FARP1: variants seen among roughly 807,000 people sequenced by gnomAD.
FARP1 encodes FERM, ARHGEF and pleckstrin domain-containing protein 1.
In FARP1, 52 loss-of-function variants were observed where a neutral mutation model predicts 128.8. That is an observed-to-expected ratio of 0.40 (90% CI 0.32 to 0.51). The LOEUF (loss-of-function observed/expected upper bound fraction) is 0.51. FARP1 is among the 20% of genes least tolerant of loss of function. FARP1 has a pLI of 0.45. For synonymous variants in FARP1, 580 were observed against 551.8 expected (o/e 1.05, Z -0.72); for missense variants, 1,333 against 1,367.9 (o/e 0.97, Z 0.40).
intron 2 of FARP1, among the ~76,000 whole-genome samples, chr13:98,277,288 G>T (rs944222611): frequency 6.6e-6 from 1 of 151,990 alleles, no homozygotes; most frequent in African/African-American, 2.4e-5. Context: ...GTGTAGCTGG[G>T]ACTGCAGACA....
At chr13:98,355,316 A>G (rs1267970651) in intron 3 of FARP1, among the ~76,000 whole-genome samples, 1 of 152,234 alleles carries the variant, frequency 6.6e-6, no homozygotes, top group East Asian at 1.9e-4. Flanking sequence ...ACTGTACTCC[A>G]GCCTGGGTGA....
At chr13:98,339,106 C>A (rs1315829168) in intron 2 of FARP1, among the ~76,000 whole-genome samples, 1 of 152,102 alleles carries the variant, frequency 6.6e-6, no homozygotes, top group Non-Finnish European at 1.5e-5. Context: ...AATGCACAGT[C>A]CACGTAGCAC....
chr13:98,382,521 A>G (rs1889923122), intron 6 of FARP1: 2 of 152,362 alleles, frequency 1.3e-5, no homozygotes, highest in African/African-American at 2.4e-5. Context: ...AAGCCCAAAC[A>G]TAAAGCTCAC....
chr13:98,426,832 A>G (rs1261501729), intron 17 of FARP1, among the ~76,000 whole-genome samples: 1 of 152,254 alleles, frequency 6.6e-6, no homozygotes, highest in Non-Finnish European at 1.5e-5. Context: ...CTGAGGCACA[A>G]CAGATAGAAG....
intron 13 of FARP1, chr13:98,395,698 T>C: frequency 2.0e-6 from 1 of 494,682 alleles, no homozygotes; most frequent in South Asian, 5.2e-5. Flanking sequence ...GCGTAGGGCT[T>C]CCCCGCACTC....
rs1401807800 is a variant in FARP1, at chr13:98,400,941, G to T, written c.1414+5465G>T. ...TCCATTATTGGAACGCTAAGCATGT[G>T]GGAGTTATTTATATCTTACTGCTCA... On this transcript the variant is annotated intron_variant, in intron 13 of 26. Coordinates refer to ENST00000319562, the MANE Select transcript of FARP1 (RefSeq NM_005766.4). 20 of 151,034 alleles carry T rather than the reference G, an allele frequency of 1.3e-4. No individual in the cohort carries two copies. The East Asian group carries it at 3.7e-3, about 28-fold the overall frequency. 9.4% of individuals were successfully genotyped at this position (151,034 alleles called of 1,614,324 possible).
chr13:98,425,776 A>G (rs1234453431), intron 17 of FARP1, among the ~76,000 whole-genome samples: 2 of 152,232 alleles, frequency 1.3e-5, no homozygotes, highest in African/African-American at 4.8e-5. Context: ...TAAATATTAA[A>G]TTAATACTCT....
intron 2 of FARP1, chr13:98,244,625 T>C (rs762474543): frequency 1.9e-6 from 3 of 1,614,232 alleles, no homozygotes; most frequent in East Asian, 4.5e-5. Flanking sequence ...TCACTCATCT[T>C]ACAGGCTCTA....
chr13:98,413,783 G>T (rs1402348820), intron 16 of FARP1, among the ~76,000 whole-genome samples: 1 of 152,134 alleles, frequency 6.6e-6, no homozygotes, highest in Admixed American at 6.5e-5. Flanking sequence ...TCTCATAATG[G>T]GGTCAAAGAC....
chr13:98,263,253 C>T (rs1883961517), intron 2 of FARP1, among the ~76,000 whole-genome samples: 1 of 152,076 alleles, frequency 6.6e-6, no homozygotes, highest in Non-Finnish European at 1.5e-5. Flanking sequence ...GGTTATCTGC[C>T]CGGCTCGGCC....
intron 2 of FARP1, among the ~76,000 whole-genome samples, chr13:98,252,205 T>C (rs1883369283): frequency 6.6e-6 from 1 of 152,198 alleles, no homozygotes; most frequent in Non-Finnish European, 1.5e-5. Flanking sequence ...ATTAGGAGAT[T>C]AGAGTTATAA....
rs1893361340 is a variant in FARP1, at chr13:98,454,560, A to G, written c.*6243A>G. On this transcript the variant is annotated 3_prime_UTR_variant, in exon 27 of 27. Coordinates refer to ENST00000319562, the MANE Select transcript of FARP1 (RefSeq NM_005766.4). ...ACTATCAAGAAATACAAATGACTAAATCACGGGATGAGTTGATGTCACACA... is the reference window on the plus strand; with the variant it reads ...ACTATCAAGAAATACAAATGACTAAGTCACGGGATGAGTTGATGTCACACA... The G allele has an allele frequency of 6.6e-6, 1 of 152,260 alleles. No homozygotes were observed. Among genetic ancestry groups the G allele is most frequent in the Non-Finnish European group, 1.5e-5 (1 of 68,044 alleles). 9.4% of individuals were successfully genotyped at this position (152,260 alleles called of 1,614,324 possible).
At chr13:98,201,346 G>C (rs1879930734) in intron 1 of FARP1, among the ~76,000 whole-genome samples, 1 of 152,214 alleles carries the variant, frequency 6.6e-6, no homozygotes, top group Non-Finnish European at 1.5e-5. Flanking sequence ...GAGGCTGAAC[G>C]GGGGAGGAAC....
intron 1 of FARP1, among the ~76,000 whole-genome samples, chr13:98,194,015 A>G (rs1347616104): frequency 1.3e-5 from 2 of 152,146 alleles, no homozygotes; most frequent in Admixed American, 6.5e-5. Flanking sequence ...TTGCTTTATC[A>G]TGCTCTATAA....
chr13:98,182,255 T>C (rs1161806500), intron 1 of FARP1, among the ~76,000 whole-genome samples: 2 of 94,928 alleles, frequency 2.1e-5, no homozygotes, highest in East Asian at 4.2e-4. Context: ...TGTTAGTCTT[T>C]TTACTGTTTT....
rs138526104 is a variant in FARP1 at position 98,181,661 on chromosome 13, A to AGAGAGAGAGTGT, written c.-23-31558_-23-31557insAGAGAGAGTGTG. ...ATTTATTTGAGAGAGAGAGAGAGAG[A>AGAGAGAGAGTGT]GTCTCACTGTTGCCCAGGGGTGTGT... On this transcript the variant is annotated intron_variant, in intron 1 of 26. Coordinates refer to ENST00000319562, the MANE Select transcript of FARP1 (RefSeq NM_005766.4). Among the ~76,000 whole-genome samples the AGAGAGAGAGTGT allele has an allele frequency of 4.0e-5, 6 of 148,658 alleles. No individual in the cohort carries two copies. In the East Asian group the frequency reaches 1.2e-3, roughly 29 times the overall value.
intron 2 of FARP1, among the ~76,000 whole-genome samples, chr13:98,261,236 C>A (rs765965299): frequency 1.5e-4 from 23 of 152,194 alleles, no homozygotes. Context: ...ATGCCCGGGC[C>A]AGGCTCCCAC....
intron 14 of FARP1, among the ~76,000 whole-genome samples, chr13:98,410,444 C>T (rs1244691987): frequency 1.3e-5 from 2 of 152,174 alleles, no homozygotes; most frequent in African/African-American, 4.8e-5. Context: ...GTAATTTTTA[C>T]CTGGAAGGAA....
chr13:98,311,545 G>A (rs1337711329), intron 2 of FARP1, among the ~76,000 whole-genome samples: 2 of 151,848 alleles, frequency 1.3e-5, no homozygotes, highest in Non-Finnish European at 2.9e-5. Flanking sequence ...AGCAAATCAG[G>A]GTGCTGTGTG....
Sources: allele counts gnomAD v4.1 joint callset (sites outside exome capture counted in the v4.1 genomes callset), GRCh38; gene constraint gnomAD v4.1.1; transcripts MANE v1.5; gene names NCBI Gene and HGNC (gene_info 2026-07-23, HGNC 2026-07-21).